Variants in ARNT2 observed in about 807,000 individuals in gnomAD.
ARNT2 encodes aryl hydrocarbon receptor nuclear translocator 2.
A neutral mutation model predicts 91.7 loss-of-function variants in ARNT2; 36 were observed. The ratio of observed to expected loss-of-function variants is 0.39; its 90% CI spans 0.30 to 0.52. The LOEUF is 0.52. Among genes scored for constraint, ARNT2 ranks in the 20% least tolerant of loss-of-function variants. The pLI is 0.72. For synonymous variants in ARNT2, 365 were observed against 347.1 expected (o/e 1.05, Z -0.57); for missense variants, 775 against 939.3 (o/e 0.83, Z 2.29).
At chr15:80,409,978 T>C (rs11072916) in intron 1 of ARNT2, among the ~76,000 whole-genome samples, 49,304 of 152,058 alleles carry the variant, frequency 0.32, 8,758 homozygotes, top group East Asian at 0.61. Context: ...GGACCACTTT[T>C]GGGTTAGGGA....
At chr15:80,585,684 T>C (rs1898883015) in intron 17 of ARNT2, among the ~76,000 whole-genome samples, 1 of 152,066 alleles carries the variant, frequency 6.6e-6, no homozygotes, top group Admixed American at 6.5e-5. Context: ...CCAGAAATGG[T>C]CTACACACCC....
intron 3 of ARNT2, among the ~76,000 whole-genome samples, chr15:80,468,882 C>T (rs937796930): frequency 2.0e-5 from 3 of 152,192 alleles, no homozygotes; most frequent in African/African-American, 4.8e-5. Flanking sequence ...ACTGCAGTCT[C>T]ACTTCCCCTC....
intron 1 of ARNT2, among the ~76,000 whole-genome samples, chr15:80,429,865 C>T (rs1895985082): frequency 6.6e-6 from 1 of 152,180 alleles, no homozygotes; most frequent in Non-Finnish European, 1.5e-5. Flanking sequence ...AGCTCTGTAC[C>T]ACCAGATATC....
Position 80,552,575 on chromosome 15 carries a change from C to T in ARNT2, c.955-65C>T, listed in dbSNP as rs1055470593. On this transcript the variant is annotated intron_variant, in intron 9 of 18. Transcript: ENST00000303329. ...AATGCACATGGATTATTCTTCTCAT[C>T]TCTGTCACCATCTCCATCTCGTCTC... 34 of 1,564,434 alleles carry T rather than the reference C, an allele frequency of 2.2e-5. No individual in the cohort carries two copies. In the African/African-American group the frequency reaches 3.9e-4, roughly 18 times the overall value.
At chr15:80,525,974 A>G (rs1419818549) in intron 8 of ARNT2, among the ~76,000 whole-genome samples, 2 of 152,232 alleles carry the variant, frequency 1.3e-5, no homozygotes, top group African/African-American at 4.8e-5. Context: ...AAAGGTGGGC[A>G]GCAGAGGTAG....
intron 5 of ARNT2, among the ~76,000 whole-genome samples, chr15:80,486,105 G>A (rs7179983): frequency 0.043 from 6,471 of 152,168 alleles, 286 homozygotes; most frequent in East Asian, 0.13. Flanking sequence ...GCCATTCCTT[G>A]TAGACACATC....
chr15:80,412,309 G>A (rs1020215446), intron 1 of ARNT2, among the ~76,000 whole-genome samples: 8 of 152,184 alleles, frequency 5.3e-5, no homozygotes, highest in Non-Finnish European at 5.9e-5. Flanking sequence ...CAAAGCAGAG[G>A]TTGGAGCTCT....
intron 8 of ARNT2, among the ~76,000 whole-genome samples, chr15:80,531,889 C>G (rs182944118): frequency 7.2e-5 from 11 of 152,156 alleles, no homozygotes; most frequent in Non-Finnish European, 1.0e-4. Flanking sequence ...CTCTCAGCTC[C>G]CCAGCACTTC....
intron 3 of ARNT2, among the ~76,000 whole-genome samples, chr15:80,462,029 C>G (rs753297134): frequency 2.0e-5 from 3 of 152,140 alleles, no homozygotes; most frequent in Non-Finnish European, 4.4e-5. Context: ...ATAGTGAGGT[C>G]GGCACCAGTC....
intron 12 of ARNT2, among the ~76,000 whole-genome samples, chr15:80,565,775 A>G (rs1898469546): frequency 6.6e-6 from 1 of 151,822 alleles, no homozygotes; most frequent in Non-Finnish European, 1.5e-5. Flanking sequence ...GATTCTGGAT[A>G]TCATGTCTTT....
chr15:80,509,786 C>T (rs907236762), intron 6 of ARNT2, among the ~76,000 whole-genome samples: 4 of 152,088 alleles, frequency 2.6e-5, no homozygotes, highest in South Asian at 4.2e-4. Context: ...GTGCAAAGGC[C>T]TGGAGGCAGG....
Position 80,470,265 on chromosome 15 carries a change from A to T in ARNT2, c.242A>T (p.Gln81Leu). Reference protein sequence around the residue: ...IERRRRNKMTQYITELSDMVP... With the variant: ...IERRRRNKMTLYITELSDMVP... Reference sequence around the variant, plus strand: ...AGGCGCAGACGGAACAAGATGACTCAGTACATCACGGAGCTCTCCGACATG... The same window carrying T: ...AGGCGCAGACGGAACAAGATGACTCTGTACATCACGGAGCTCTCCGACATG... Residue 81 changes from glutamine to leucine, a missense_variant, in exon 4 of 19, where the codon CAG becomes CTG. Coordinates refer to ENST00000303329, the MANE Select transcript of ARNT2 (RefSeq NM_014862.4). 1 of 1,614,218 alleles carries T rather than the reference A, an allele frequency of 6.2e-7. No individual in the cohort carries two copies. The highest frequency in any genetic ancestry group is 8.5e-7 in the Non-Finnish European group (1 of 1,180,038).
rs1893332558 is a variant in ARNT2 at position 80,594,089 on chromosome 15, A to ATTTCTTCT, written c.*393_*400dup. 1 of 169,228 alleles carries ATTTCTTCT rather than the reference A, an allele frequency of 5.9e-6. No homozygotes were observed. Among genetic ancestry groups the ATTTCTTCT allele is most frequent in the African/African-American group, 2.4e-5 (1 of 42,018 alleles). The allele number at this position is 169,228 out of a possible 1,614,324, so 10.5% of individuals were successfully genotyped here. A position where few individuals can be genotyped will look rare whatever the true frequency, so the allele number is the denominator to read the frequency against. On this transcript the variant is annotated 3_prime_UTR_variant, in exon 19 of 19. Transcript: ENST00000303329. ...GGCCTGCCCAGGATGCTGAAAGCAG[A>ATTTCTTCT]TTTCTTCTTGATTTCACTTCTGATG... is the stretch of plus-strand genomic sequence containing the variant.
At chr15:80,514,246 A>T in intron 7 of ARNT2, 74 bp from the exon 8 acceptor site, 2 of 1,470,162 alleles carry the variant, frequency 1.4e-6, no homozygotes, top group Admixed American at 1.7e-5. Context: ...AGTAGCTTAG[A>T]TGCCAGAGGA....
chr15:80,456,664 G>A (rs1039566099), intron 2 of ARNT2, among the ~76,000 whole-genome samples: 5 of 152,110 alleles, frequency 3.3e-5, no homozygotes, highest in Admixed American at 6.5e-5. Flanking sequence ...AGGATGGCTC[G>A]CCCTGTGTAA....
At chr15:80,585,488 G>A (rs1471261290) in intron 17 of ARNT2, among the ~76,000 whole-genome samples, 2 of 152,210 alleles carry the variant, frequency 1.3e-5, no homozygotes, top group Non-Finnish European at 2.9e-5. Flanking sequence ...AAGGCTAAGG[G>A]AAAGTAGACA....
chr15:80,481,681 C>T lies in ARNT2; in HGVS notation c.622+6458C>T, dbSNP rs374022790. ...TGAGCCATGATTGTGCCTCTACACT[C>T]GAGCCTGGGTGACAGAGCGAGACCC... On this transcript the variant is annotated intron_variant, in intron 5 of 18. Coordinates refer to ENST00000303329, the MANE Select transcript of ARNT2 (RefSeq NM_014862.4). 9.9e-5 allele frequency among the ~76,000 whole-genome samples: 15 copies of T among 152,238 alleles called. No homozygotes were observed. In the East Asian group the frequency reaches 2.1e-3, roughly 22 times the overall value.
chr15:80,589,647 G>A (rs957525596), intron 17 of ARNT2, among the ~76,000 whole-genome samples: 1 of 152,152 alleles, frequency 6.6e-6, no homozygotes, highest in African/African-American at 2.4e-5. Flanking sequence ...TTCCAGAATG[G>A]GACAGGTGCC....
intron 4 of ARNT2, 49 bp from the exon 5 acceptor site, chr15:80,474,961 A>C: frequency 1.3e-6 from 2 of 1,581,584 alleles, no homozygotes; most frequent in Non-Finnish European, 1.7e-6. Flanking sequence ...AAGTTGAATC[A>C]TCCTGGGTCT....
Sources: allele counts gnomAD v4.1 joint callset (sites outside exome capture counted in the v4.1 genomes callset), GRCh38; gene constraint gnomAD v4.1.1; transcripts MANE v1.5; gene names NCBI Gene and HGNC (gene_info 2026-07-23, HGNC 2026-07-21).